CPHXL2: variants seen among roughly 807,000 people sequenced by gnomAD.
CPHXL2 encodes the protein cytoplasmic polyadenylated homeobox like 2, also known as cytoplasmic polyadenylated homeobox-like protein 2.
the CPHXL2 span, chr16:75,660,489 G>A: frequency 1.3e-5 from 5 of 398,444 alleles, no homozygotes; most frequent in Admixed American, 4.4e-5. Flanking sequence ...TGACTGAGCC[G>A]AGGGCCACTG....
At chr16:75,675,187 A>G in the CPHXL2 span, among the ~76,000 whole-genome samples, 1 of 149,830 alleles carries the variant, frequency 6.7e-6, no homozygotes, top group Non-Finnish European at 1.5e-5. Context: ...AGACTGTCTC[A>G]AAAGAAAAAA....
the CPHXL2 span, among the ~76,000 whole-genome samples, chr16:75,673,399 C>T: frequency 6.6e-6 from 1 of 151,654 alleles, no homozygotes; most frequent in African/African-American, 2.4e-5. Context: ...ACTGCCACTG[C>T]ACTGTAGCCT....
At chr16:75,673,318 C>G in the CPHXL2 span, among the ~76,000 whole-genome samples, 1 of 151,756 alleles carries the variant, frequency 6.6e-6, no homozygotes, top group African/African-American at 2.4e-5. Context: ...GCCTGTGGTC[C>G]CAGCTACTTG....
the CPHXL2 span, among the ~76,000 whole-genome samples, chr16:75,670,220 T>C: frequency 6.6e-6 from 1 of 152,190 alleles, no homozygotes; most frequent in African/African-American, 2.4e-5. Flanking sequence ...GCTGAGAATT[T>C]ATCTTTAAAA....
At chr16:75,660,461 C>G in the CPHXL2 span, 4 of 398,452 alleles carry the variant, frequency 1.0e-5, no homozygotes, top group Non-Finnish European at 4.4e-6. Flanking sequence ...TATTCTGAGG[C>G]AGTTGACTCT....
the CPHXL2 span, among the ~76,000 whole-genome samples, chr16:75,673,387 A>T: frequency 6.6e-6 from 1 of 151,946 alleles, no homozygotes; most frequent in Non-Finnish European, 1.5e-5. Context: ...GTGAATGGTG[A>T]TACTGCCACT....
the CPHXL2 span, among the ~76,000 whole-genome samples, chr16:75,663,760 C>A: frequency 6.6e-6 from 1 of 151,840 alleles, no homozygotes; most frequent in Non-Finnish European, 1.5e-5. Flanking sequence ...GTGGCGGGCA[C>A]CTGTAGTCCC....
chr16:75,670,846 T>C, the CPHXL2 span, among the ~76,000 whole-genome samples: 1 of 152,162 alleles, frequency 6.6e-6, no homozygotes, highest in Non-Finnish European at 1.5e-5. Flanking sequence ...TCTGTACCCT[T>C]CTGTAAATTT....
At chr16:75,668,469 C>T in the CPHXL2 span, among the ~76,000 whole-genome samples, 4 of 152,072 alleles carry the variant, frequency 2.6e-5, no homozygotes, top group African/African-American at 9.7e-5. Context: ...CCTCGTGATT[C>T]GCCCACTGTG....
At chr16:75,676,558 G>GC in the CPHXL2 span, among the ~76,000 whole-genome samples, 1 of 152,144 alleles carries the variant, frequency 6.6e-6, no homozygotes, top group Non-Finnish European at 1.5e-5. Flanking sequence ...CTGGACTCAA[G>GC]CTATCCTCCC....
At chr16:75,661,751 G>A in the CPHXL2 span, among the ~76,000 whole-genome samples, 1 of 152,084 alleles carries the variant, frequency 6.6e-6, no homozygotes, top group Non-Finnish European at 1.5e-5. Context: ...TTGGGTTCAA[G>A]TTTCACAAGT....
At chr16:75,676,513 G>C in the CPHXL2 span, among the ~76,000 whole-genome samples, 1 of 152,050 alleles carries the variant, frequency 6.6e-6, no homozygotes, top group Admixed American at 6.6e-5. Flanking sequence ...GTAGAAATAG[G>C]GTCTTGCTAT....
At chr16:75,670,205 C>T in the CPHXL2 span, among the ~76,000 whole-genome samples, 4 of 152,140 alleles carry the variant, frequency 2.6e-5, no homozygotes, top group African/African-American at 9.7e-5. Flanking sequence ...TGAGCCACCG[C>T]GCCGGCTGAG....
chr16:75,668,231 A>ATT, the CPHXL2 span, among the ~76,000 whole-genome samples: 1 of 74,456 alleles, frequency 1.3e-5, no homozygotes, highest in Non-Finnish European at 2.8e-5. Flanking sequence ...ATACATATAT[A>ATT]TTTTTTTTTT....
At chr16:75,668,229 A>AT in the CPHXL2 span, among the ~76,000 whole-genome samples, 2 of 88,460 alleles carry the variant, frequency 2.3e-5, no homozygotes, top group Non-Finnish European at 3.7e-5. Context: ...ATATACATAT[A>AT]TATTTTTTTT....
chr16:75,661,751 G>C, the CPHXL2 span, among the ~76,000 whole-genome samples: 2 of 152,084 alleles, frequency 1.3e-5, no homozygotes, highest in Non-Finnish European at 2.9e-5. Context: ...TTGGGTTCAA[G>C]TTTCACAAGT....
the CPHXL2 span, among the ~76,000 whole-genome samples, chr16:75,670,592 T>A: frequency 6.6e-6 from 1 of 152,156 alleles, no homozygotes; most frequent in African/African-American, 2.4e-5. Flanking sequence ...TACTGCAACG[T>A]CCACCTCCTG....
the CPHXL2 span, chr16:75,660,934 G>C: frequency 2.5e-6 from 1 of 398,676 alleles, no homozygotes; most frequent in South Asian, 1.3e-4. Context: ...GGAATCCCTT[G>C]TTTCTCCAGA....
the CPHXL2 span, among the ~76,000 whole-genome samples, chr16:75,668,742 T>C: frequency 6.6e-6 from 1 of 152,194 alleles, no homozygotes; most frequent in Admixed American, 6.5e-5. Flanking sequence ...TTATTCTGTA[T>C]TGTTTTAAAA....
Sources: gnomAD v4.1 joint callset for allele counts (sites outside exome capture counted in the v4.1 genomes callset) on GRCh38, gnomAD v4.1.1 for gene constraint, MANE v1.5 for transcripts, NCBI Gene and HGNC (gene_info 2026-07-23, HGNC 2026-07-21) for gene names.